Variants in NBEAL1 observed in about 807,000 individuals in gnomAD.
NBEAL1 encodes the protein neurobeachin like 1.
A neutral mutation model predicts 351.3 loss-of-function variants in NBEAL1; 273 were observed. That is an observed-to-expected ratio of 0.78 (90% CI 0.70 to 0.86). The LOEUF is 0.86. NBEAL1 is among the 40% of genes least tolerant of loss of function. The pLI, the probability that NBEAL1 is intolerant of heterozygous loss-of-function variation, is 0.00. For missense variants in NBEAL1, 2,961 were observed against 3,201.3 expected, an observed-to-expected ratio of 0.92 and a Z score of 1.81; for synonymous variants, 1,050 against 1,086.4, an observed-to-expected ratio of 0.97 and a Z score of 0.66.
chr2:203,186,791 G>A (rs911099876), intron 44 of NBEAL1, among the ~76,000 whole-genome samples: 1 of 152,034 alleles, frequency 6.6e-6, no homozygotes, highest in African/African-American at 2.4e-5. Flanking sequence ...GGTTTCTTAT[G>A]TGTCAGCTCT....
Position 203,053,967 on chromosome 2 carries a change from CAG to C in NBEAL1, c.306-2457_306-2456del, listed in dbSNP as rs548581499. Among the ~76,000 whole-genome samples, 535 of 152,146 alleles carry C rather than the reference CAG, an allele frequency of 3.5e-3. 4 individuals are homozygous for C. Among genetic ancestry groups the C allele is most frequent in the African/African-American group, 0.012 (492 of 41,478 alleles). On this transcript the variant is annotated intron_variant, in intron 4 of 55. Coordinates refer to ENST00000683969, the MANE Select transcript of NBEAL1 (RefSeq NM_001378026.1). ...TTATGCTTTTTTAAAAAAATTGAGACAGAGTCTTGCTCCATCTGTACACTCCA... is the reference window on the plus strand; with the variant it reads ...TTATGCTTTTTTAAAAAAATTGAGACAGTCTTGCTCCATCTGTACACTCCA...
In NBEAL1 at chr2:203,217,574, G is replaced by A. The variant is rs1298680472; in HGVS notation, c.*220G>A. 6.2e-5 allele frequency: 70 copies of A among 1,133,128 alleles called. No individual in the cohort carries two copies. Among genetic ancestry groups the A allele is most frequent in the Middle Eastern group, 3.6e-4 (1 of 2,768 alleles). 70.2% of individuals were successfully genotyped at this position (1,133,128 alleles called of 1,614,324 possible). A position where few individuals can be genotyped will look rare whatever the true frequency, so the allele number is the denominator to read the frequency against. On this transcript the variant is annotated 3_prime_UTR_variant, in exon 56 of 56. Coordinates refer to ENST00000683969, the MANE Select transcript of NBEAL1 (RefSeq NM_001378026.1). ...TTGATTTTGTGGCCCATTCCTAAAG[G>A]TCATTGTATCCATTTTTAAAACAAA...
intron 31 of NBEAL1, among the ~76,000 whole-genome samples, chr2:203,139,633 C>T (rs1048051718): frequency 8.1e-6 from 1 of 123,772 alleles, no homozygotes; most frequent in African/African-American, 3.1e-5. Context: ...CGGTGGCTCT[C>T]GGCTCACTGT....
At chr2:203,210,161 C>T (rs1487283590) in intron 53 of NBEAL1, among the ~76,000 whole-genome samples, 1 of 149,070 alleles carries the variant, frequency 6.7e-6, no homozygotes, top group Non-Finnish European at 1.5e-5. Flanking sequence ...TCAGGAGTTC[C>T]AGACCAGCCT....
intron 12 of NBEAL1, among the ~76,000 whole-genome samples, chr2:203,103,386 G>A (rs1429699457): frequency 6.6e-6 from 1 of 151,818 alleles, no homozygotes; most frequent in Non-Finnish European, 1.5e-5. Context: ...CAGTTCTCCT[G>A]CCAGCCTCCT....
At chr2:203,122,172 A>G (rs2062847268) in intron 18 of NBEAL1, 82 bp from the exon 19 acceptor site, 10 of 720,424 alleles carry the variant, frequency 1.4e-5, no homozygotes, top group Non-Finnish European at 2.2e-6. Context: ...TCCTTTTTGT[A>G]TTATGGTGAA....
intron 2 of NBEAL1, 90 bp from the exon 3 acceptor site, chr2:203,041,675 T>C (rs1348613770): frequency 1.3e-6 from 1 of 782,278 alleles, no homozygotes; most frequent in Non-Finnish European, 2.1e-6. Flanking sequence ...TTCATAGTAT[T>C]GATTCTTTAG....
chr2:203,033,285 C>T (rs926777724), intron 2 of NBEAL1, among the ~76,000 whole-genome samples: 4 of 152,224 alleles, frequency 2.6e-5, no homozygotes, highest in Non-Finnish European at 5.9e-5. Context: ...CAGGCGTGAG[C>T]CACCGCGCCC....
chr2:203,187,440 A>G (rs2064936602), intron 44 of NBEAL1, among the ~76,000 whole-genome samples: 2 of 148,606 alleles, frequency 1.3e-5, no homozygotes, highest in Admixed American at 1.4e-4. Context: ...GTGCTTACAA[A>G]TCAAATAGTT....
intron 44 of NBEAL1, among the ~76,000 whole-genome samples, chr2:203,186,457 A>G (rs968912007): frequency 6.6e-6 from 1 of 152,166 alleles, no homozygotes; most frequent in African/African-American, 2.4e-5. Flanking sequence ...AGCAGTCACA[A>G]ATACAAATAC....
chr2:203,057,430 G>T lies in NBEAL1; in HGVS notation c.492G>T (p.Arg164=). 1 of 1,551,226 alleles carries T rather than the reference G, an allele frequency of 6.4e-7. No homozygotes were observed. The highest frequency in any genetic ancestry group is 1.2e-5 in the South Asian group (1 of 83,996). The change falls in exon 6 of 56, where the codon CGG becomes CGT. Residue 164 remains arginine, a synonymous_variant. Transcript: ENST00000683969. ...AFCESLYDPY[R]NWRHRISGRI... ...GTGAAAGCTTATATGATCCATATCG[G>T]AATTGGAGACATAGAATTTCAGGGT...
At position 203,108,159 on chromosome 2, in the gene NBEAL1, CA is replaced by C. The variant is rs1463700243; in HGVS notation, c.1923del (p.Gly642GlufsTer56). 1 of 1,550,242 alleles carries C rather than the reference CA, an allele frequency of 6.5e-7. No homozygotes were observed. ...ATCAGTTGACTCTTGGCATTGCTAA[CA>C]AAGGAGGGAAAAGGAAACAATTGTA... is the stretch of plus-strand genomic sequence containing the variant. ...QDQLTLGIAN[K>X]GGKRKQLYSF... On this transcript the variant is annotated frameshift_variant, in exon 14 of 56. Coordinates refer to ENST00000683969, the MANE Select transcript of NBEAL1 (RefSeq NM_001378026.1). LOFTEE classifies it high-confidence loss of function.
chr2:203,117,020 C>T (rs561260788), intron 18 of NBEAL1, among the ~76,000 whole-genome samples: 2 of 151,956 alleles, frequency 1.3e-5, no homozygotes, highest in Non-Finnish European at 2.9e-5. Flanking sequence ...GAGAATTGAT[C>T]GAACCCGGGA....
chr2:203,025,599 A>G (rs913893760), intron 2 of NBEAL1, among the ~76,000 whole-genome samples: 4 of 152,220 alleles, frequency 2.6e-5, no homozygotes, highest in African/African-American at 7.2e-5. Flanking sequence ...TCCTATATGC[A>G]AAATGTACTT....
chr2:203,095,659 T>C (rs2062168113), intron 10 of NBEAL1, among the ~76,000 whole-genome samples: 1 of 152,232 alleles, frequency 6.6e-6, no homozygotes, highest in Non-Finnish European at 1.5e-5. Context: ...TACTCATTTT[T>C]ACACTGACCA....
At chr2:203,209,917 T>G (rs983522567) in intron 53 of NBEAL1, among the ~76,000 whole-genome samples, 1 of 152,058 alleles carries the variant, frequency 6.6e-6, no homozygotes, top group Non-Finnish European at 1.5e-5. Context: ...CCTGGCTAGT[T>G]TTTTTTAATT....
chr2:203,171,515 A>G (rs893251593), intron 39 of NBEAL1, among the ~76,000 whole-genome samples: 7 of 151,800 alleles, frequency 4.6e-5, no homozygotes, highest in South Asian at 2.1e-4. Flanking sequence ...TAAGCCAGGT[A>G]GATAGCTTGA....
At chr2:203,129,424 T>TA (rs1311246458) in intron 24 of NBEAL1, among the ~76,000 whole-genome samples, 1 of 152,230 alleles carries the variant, frequency 6.6e-6, no homozygotes, top group East Asian at 1.9e-4. Flanking sequence ...ATTATCGGTA[T>TA]TAGATGAGTT....
At chr2:203,166,438 GT>G in intron 37 of NBEAL1, 141 bp downstream of exon 37, 9 of 741,050 alleles carry the variant, frequency 1.2e-5, no homozygotes, top group Non-Finnish European at 1.9e-5. Flanking sequence ...GGTCAAATTT[GT>G]TATTCACCAA....
Sources: gnomAD v4.1 joint callset for allele counts (sites outside exome capture counted in the v4.1 genomes callset) on GRCh38, gnomAD v4.1.1 for gene constraint, MANE v1.5 for transcripts, NCBI Gene and HGNC (gene_info 2026-07-23, HGNC 2026-07-21) for gene names.